The following GRIK4 variants were observed in gnomAD, a reference collection of about 807,000 sequenced individuals.
GRIK4 encodes glutamate ionotropic receptor kainate type subunit 4.
In GRIK4, 40 loss-of-function variants were observed where a neutral mutation model predicts 104.9. The ratio of observed to expected loss-of-function variants is 0.38; its 90% CI spans 0.30 to 0.50. The LOEUF (loss-of-function observed/expected upper bound fraction) is 0.50. GRIK4 is among the 20% of genes least tolerant of loss of function. The pLI is 0.93. For missense variants in GRIK4, 1,047 were observed against 1,308.1 expected (o/e 0.80, Z 3.08); for synonymous variants, 485 against 524.9 (o/e 0.92, Z 1.04).
chr11:120,887,173 A>C (rs1029128871), intron 11 of GRIK4, among the ~76,000 whole-genome samples: 1 of 151,992 alleles, frequency 6.6e-6, no homozygotes, highest in African/African-American at 2.4e-5. Flanking sequence ...TTCTACCTTC[A>C]TTTCGTTCAG....
chr11:120,900,086 G>A (rs1248962269), intron 12 of GRIK4, among the ~76,000 whole-genome samples: 1 of 152,210 alleles, frequency 6.6e-6, no homozygotes, highest in Non-Finnish European at 1.5e-5. Context: ...GGGTTTCAAG[G>A]AGAGAGAGGT....
intron 18 of GRIK4, 59 bp downstream of exon 18, chr11:120,962,740 T>A: frequency 8.8e-7 from 1 of 1,132,168 alleles, no homozygotes. Context: ...TCAGGGTAGC[T>A]CAAACCACTG....
At chr11:120,834,375 G>A (rs1025972092) in intron 7 of GRIK4, among the ~76,000 whole-genome samples, 1 of 151,656 alleles carries the variant, frequency 6.6e-6, no homozygotes, top group African/African-American at 2.4e-5. Context: ...GATGCCTCAG[G>A]GCTGTCTTTC....
At chr11:120,926,447 T>C (rs1212042447) in intron 13 of GRIK4, among the ~76,000 whole-genome samples, 1 of 152,216 alleles carries the variant, frequency 6.6e-6, no homozygotes, top group Non-Finnish European at 1.5e-5. Flanking sequence ...GTGTATTCAT[T>C]AATTTAACCT....
At chr11:120,781,082 C>T (rs1952147403) in intron 3 of GRIK4, among the ~76,000 whole-genome samples, 1 of 152,024 alleles carries the variant, frequency 6.6e-6, no homozygotes, top group Non-Finnish European at 1.5e-5. Flanking sequence ...TTTTACATTC[C>T]CACCAGCAAA....
chr11:120,770,945 T>C (rs1951929461), intron 3 of GRIK4, among the ~76,000 whole-genome samples: 1 of 152,238 alleles, frequency 6.6e-6, no homozygotes, highest in East Asian at 1.9e-4. Context: ...CTGTTGTTTA[T>C]AAGTCACCTA....
chr11:120,671,682 G>T (rs185653441), intron 3 of GRIK4, among the ~76,000 whole-genome samples: 1 of 152,186 alleles, frequency 6.6e-6, no homozygotes, highest in African/African-American at 2.4e-5. Flanking sequence ...CAGGTTGCCT[G>T]TTCTCTCTGA....
intron 1 of GRIK4, among the ~76,000 whole-genome samples, chr11:120,558,182 A>AT (rs1369975820): frequency 6.6e-6 from 1 of 152,234 alleles, no homozygotes; most frequent in Non-Finnish European, 1.5e-5. Flanking sequence ...TAAAATGGAA[A>AT]TAATATCTAC....
chr11:120,659,209 C>T (rs1013940933), intron 2 of GRIK4, among the ~76,000 whole-genome samples: 7 of 152,030 alleles, frequency 4.6e-5, no homozygotes, highest in African/African-American at 1.7e-4. Flanking sequence ...AGAGGCAGCT[C>T]CCTGCAAGGT....
intron 1 of GRIK4, among the ~76,000 whole-genome samples, chr11:120,550,962 T>C (rs574380501): frequency 6.6e-6 from 1 of 151,766 alleles, no homozygotes; most frequent in Non-Finnish European, 1.5e-5. Context: ...GGAGCATGCA[T>C]GAGTGCACAG....
In GRIK4 at chr11:120,698,914, C is replaced by T. The variant is rs182049021; in HGVS notation, c.82+38514C>T. ...TCAGGAGAAGTGGGCTTTTGGATTT[C>T]GTTGGTCCCCTGTGAGGCCTAGCTC... On this transcript the variant is annotated intron_variant, in intron 3 of 20. Coordinates refer to ENST00000527524, the MANE Select transcript of GRIK4 (RefSeq NM_014619.5). Among the ~76,000 whole-genome samples, 42 of 152,308 alleles carry T rather than the reference C, an allele frequency of 2.8e-4. No individual in the cohort carries two copies. The East Asian group carries it at 5.8e-3, about 21-fold the overall frequency.
At chr11:120,713,030 C>G (rs1950766039) in intron 3 of GRIK4, among the ~76,000 whole-genome samples, 1 of 152,198 alleles carries the variant, frequency 6.6e-6, no homozygotes, top group Non-Finnish European at 1.5e-5. Context: ...CAGTGCCCAA[C>G]TTTGAGACAC....
intron 11 of GRIK4, among the ~76,000 whole-genome samples, chr11:120,878,080 G>A (rs560562188): frequency 3.3e-5 from 5 of 152,282 alleles, no homozygotes; most frequent in South Asian, 2.1e-4. Flanking sequence ...AAGAAACAGC[G>A]TCATCAGCCC....
At chr11:120,620,362 C>G in intron 1 of GRIK4, 1 of 586,986 alleles carries the variant, frequency 1.7e-6, no homozygotes, top group Non-Finnish European at 3.1e-6. Context: ...TCACTTGTCT[C>G]GAGCCACCAC....
intron 8 of GRIK4, among the ~76,000 whole-genome samples, chr11:120,854,549 G>A (rs1954056063): frequency 6.6e-6 from 1 of 152,198 alleles, no homozygotes; most frequent in Admixed American, 6.5e-5. Flanking sequence ...TTATGCAGAC[G>A]CCGGAGACAG....
intron 1 of GRIK4, among the ~76,000 whole-genome samples, chr11:120,541,590 C>T (rs1431027136): frequency 2.6e-5 from 4 of 152,026 alleles, no homozygotes; most frequent in Admixed American, 2.6e-4. Flanking sequence ...ACCTCCTGGG[C>T]TCAAGTGATC....
intron 1 of GRIK4, among the ~76,000 whole-genome samples, chr11:120,638,511 C>T (rs1056270145): frequency 1.3e-5 from 2 of 150,710 alleles, no homozygotes; most frequent in African/African-American, 2.4e-5. Flanking sequence ...GACGGAGTCT[C>T]GTGTCACCCA....
chr11:120,957,180 A>C (rs1944175297), intron 16 of GRIK4, among the ~76,000 whole-genome samples: 1 of 152,184 alleles, frequency 6.6e-6, no homozygotes, highest in African/African-American at 2.4e-5. Context: ...CTGGATGCAG[A>C]GGGGAGCCAA....
rs1346186192 is a variant in GRIK4, at chr11:120,512,175, C to G, written c.-159+288C>G. On this transcript the variant is annotated intron_variant, in intron 1 of 20. Coordinates refer to ENST00000527524, the MANE Select transcript of GRIK4 (RefSeq NM_014619.5). The stretch of plus-strand genomic sequence containing the variant: ...TCCCGTAGTTCCTCCAGTCTTCACC[C>G]CGGTCCGTCTCCCTCCCTCCGCATC... 2.0e-5 allele frequency among the ~76,000 whole-genome samples: 3 copies of G among 151,870 alleles called. No homozygotes were observed. The East Asian group carries it at 5.8e-4, about 29-fold the overall frequency.
Sources: gnomAD v4.1 joint callset for allele counts (sites outside exome capture counted in the v4.1 genomes callset) on GRCh38, gnomAD v4.1.1 for gene constraint, MANE v1.5 for transcripts, NCBI Gene and HGNC (gene_info 2026-07-23, HGNC 2026-07-21) for gene names.